The following MCF2L2 variants were observed in gnomAD, a reference collection of about 807,000 sequenced individuals.
MCF2L2 encodes the protein probable guanine nucleotide exchange factor MCF2L2.
A neutral mutation model predicts 150.2 loss-of-function variants in MCF2L2; 102 were observed. The observed-to-expected ratio is 0.68, with a 90% CI of 0.58 to 0.80. MCF2L2 has a LOEUF of 0.80. Among genes scored for constraint, MCF2L2 ranks in the 30% least tolerant of loss-of-function variants. The probability of loss-of-function intolerance (pLI) is 0.00; values close to 1 mark genes in which losing one functional copy is unlikely to be tolerated. For missense variants in MCF2L2, 1,256 were observed against 1,372.8 expected (o/e 0.91, Z 1.34); for synonymous variants, 465 against 491.3 (o/e 0.95, Z 0.71).
At chr3:183,361,680 G>A (rs1712215477) in intron 3 of MCF2L2, among the ~76,000 whole-genome samples, 1 of 151,978 alleles carries the variant, frequency 6.6e-6, no homozygotes, top group Non-Finnish European at 1.5e-5. Flanking sequence ...CTCAGGTAGT[G>A]CTTTATAGCA....
chr3:183,334,724 C>T (rs1050509282), intron 5 of MCF2L2, among the ~76,000 whole-genome samples: 4 of 146,516 alleles, frequency 2.7e-5, no homozygotes, highest in African/African-American at 1.0e-4. Flanking sequence ...ACCTGGGAGG[C>T]AGATGTTCCA....
chr3:183,341,684 G>T (rs1169294467), intron 3 of MCF2L2, 54 bp from the exon 4 acceptor site: 1 of 1,248,556 alleles, frequency 8.0e-7, no homozygotes, highest in Non-Finnish European at 1.2e-6. Context: ...TATGCTCCAT[G>T]TGGCTCCCAC....
chr3:183,403,366 C>A (rs538736404), intron 1 of MCF2L2, among the ~76,000 whole-genome samples: 2 of 152,284 alleles, frequency 1.3e-5, no homozygotes, highest in Admixed American at 1.3e-4. Context: ...AAAATAATGA[C>A]GACTTGTGAT....
At chr3:183,271,388 A>C (rs1726767826) in intron 15 of MCF2L2, 1 of 167,898 alleles carries the variant, frequency 6.0e-6, no homozygotes, top group African/African-American at 2.4e-5. Flanking sequence ...AGGGGCAGGG[A>C]AAGGTCAGCA....
At chr3:183,259,505 A>G (rs187326765) in intron 15 of MCF2L2, among the ~76,000 whole-genome samples, 2 of 152,220 alleles carry the variant, frequency 1.3e-5, no homozygotes, top group Admixed American at 6.5e-5. Context: ...TTATGAGCTG[A>G]CTTTGAATAT....
chr3:183,379,449 G>T, intron 2 of MCF2L2, 38 bp from the exon 3 acceptor site: 1 of 1,458,090 alleles, frequency 6.9e-7, no homozygotes, highest in Non-Finnish European at 9.6e-7. Context: ...TTAGCAAAAT[G>T]TTGTCCTGTC....
intron 2 of MCF2L2, among the ~76,000 whole-genome samples, chr3:183,387,067 G>A (rs140776265): frequency 8.5e-5 from 13 of 152,132 alleles, no homozygotes; most frequent in Non-Finnish European, 1.5e-4. Context: ...ACCAGCCTGG[G>A]CAACATGGCA....
chr3:183,216,030 A>C lies in MCF2L2; in HGVS notation c.2435T>G (p.Ile812Arg). 6.2e-7 allele frequency: 1 copy of C among 1,614,096 alleles called. No homozygotes were observed. Among genetic ancestry groups the C allele is most frequent in the Non-Finnish European group, 8.5e-7 (1 of 1,179,950 alleles). Residue 812 changes from isoleucine to arginine, a missense_variant, in exon 22 of 30, where the codon ATA becomes AGA. Coordinates refer to ENST00000328913, the MANE Select transcript of MCF2L2 (RefSeq NM_015078.4). The part of the protein sequence containing the change: ...STELQQALAV[I>R]EDLIKSCELA... ...CTCACAGGACTTGATCAAATCCTCT[A>C]TCACTGCCAAAGCTTGTTGTAGTTC...
At chr3:183,281,412 C>G (rs912316648) in intron 14 of MCF2L2, among the ~76,000 whole-genome samples, 1 of 133,140 alleles carries the variant, frequency 7.5e-6, no homozygotes, top group African/African-American at 2.9e-5. Context: ...ATATGGAGAA[C>G]AGGAAGAGAA....
intron 3 of MCF2L2, among the ~76,000 whole-genome samples, chr3:183,341,996 A>T (rs1435109582): frequency 6.6e-6 from 1 of 152,240 alleles, no homozygotes; most frequent in South Asian, 2.1e-4. Flanking sequence ...AAACATTCAC[A>T]GAGCTATCAG....
At chr3:183,288,481 C>CTT (rs535192977) in intron 14 of MCF2L2, among the ~76,000 whole-genome samples, 24 of 135,184 alleles carry the variant, frequency 1.8e-4, no homozygotes, top group South Asian at 9.3e-4. Flanking sequence ...TTGTCATGCT[C>CTT]TTTTTTTTTT....
At chr3:183,369,640 G>A (rs1712745464) in intron 3 of MCF2L2, among the ~76,000 whole-genome samples, 1 of 152,110 alleles carries the variant, frequency 6.6e-6, no homozygotes, top group Non-Finnish European at 1.5e-5. Flanking sequence ...CTCTTGAAGA[G>A]TCCATTTCCA....
intron 6 of MCF2L2, among the ~76,000 whole-genome samples, chr3:183,319,111 C>T (rs555237838): frequency 6.6e-5 from 10 of 152,246 alleles, no homozygotes; most frequent in Non-Finnish European, 1.2e-4. Context: ...TGGAGTTAAT[C>T]CTCTCAAACT....
intron 15 of MCF2L2, among the ~76,000 whole-genome samples, chr3:183,260,371 A>C (rs1224241295): frequency 6.6e-6 from 1 of 152,100 alleles, no homozygotes; most frequent in Non-Finnish European, 1.5e-5. Context: ...AAAAACTGAC[A>C]ACAGTTATAT....
At chr3:183,391,602 T>C (rs1326199994) in intron 1 of MCF2L2, among the ~76,000 whole-genome samples, 1 of 152,196 alleles carries the variant, frequency 6.6e-6, no homozygotes, top group African/African-American at 2.4e-5. Context: ...ACTAAAACTA[T>C]GCATGGGGTG....
intron 7 of MCF2L2, among the ~76,000 whole-genome samples, chr3:183,315,181 C>A (rs901745378): frequency 3.3e-5 from 5 of 149,790 alleles, no homozygotes; most frequent in African/African-American, 9.8e-5. Flanking sequence ...AGGTGATCCA[C>A]CCCCGCCTCG....
chr3:183,299,713 T>G (rs889354941), intron 11 of MCF2L2: 5 of 343,122 alleles, frequency 1.5e-5, no homozygotes, highest in African/African-American at 2.2e-5. Flanking sequence ...CAAGAAGTGT[T>G]CCCACAGGGC....
At chr3:183,336,457 T>A (rs1258675934) in intron 5 of MCF2L2, among the ~76,000 whole-genome samples, 1 of 152,158 alleles carries the variant, frequency 6.6e-6, no homozygotes, top group Non-Finnish European at 1.5e-5. Flanking sequence ...ATGTTATCTA[T>A]TTTTTATTTT....
At chr3:183,310,478 G>C (rs1476203932) in intron 9 of MCF2L2, 1 of 234,320 alleles carries the variant, frequency 4.3e-6, no homozygotes, top group African/African-American at 2.4e-5. Context: ...CTCCAGCCTG[G>C]GCAACAGAGT....
Sources: gnomAD v4.1 joint callset for allele counts (sites outside exome capture counted in the v4.1 genomes callset) on GRCh38, gnomAD v4.1.1 for gene constraint, MANE v1.5 for transcripts, NCBI Gene and HGNC (gene_info 2026-07-23, HGNC 2026-07-21) for gene names.